IQSEC1: variants seen among roughly 807,000 people sequenced by gnomAD.
The protein encoded by IQSEC1 is IQ motif and SEC7 domain-containing protein 1.
A neutral mutation model predicts 91.0 loss-of-function variants in IQSEC1; 31 were observed. That is an observed-to-expected ratio of 0.34 (90% CI 0.26 to 0.46). IQSEC1 has a LOEUF of 0.46. Ranked by LOEUF, IQSEC1 falls within the 20% of genes least tolerant of loss-of-function variation. The pLI is 1.00. For synonymous variants in IQSEC1, 699 were observed against 662.6 expected, an observed-to-expected ratio of 1.05 and a Z score of -0.84; for missense variants, 1,388 against 1,575.6, an observed-to-expected ratio of 0.88 and a Z score of 2.02.
chr3:12,914,253 A>T (rs1261931226), intron 8 of IQSEC1, among the ~76,000 whole-genome samples: 1 of 152,240 alleles, frequency 6.6e-6, no homozygotes, highest in Non-Finnish European at 1.5e-5. Flanking sequence ...TCATAGCTCC[A>T]GCTGCCCTTG....
At chr3:13,066,755 A>G (rs360870) in intron 1 of IQSEC1, among the ~76,000 whole-genome samples, 92,538 of 152,170 alleles carry the variant, frequency 0.61, 29,190 homozygotes, top group East Asian at 0.86. Context: ...AGGTGCCACC[A>G]GGTCTTATTT....
chr3:13,144,807 GA>G lies in IQSEC1; in HGVS notation c.302+19296del, dbSNP rs1212599820. Among the ~76,000 whole-genome samples the G allele has an allele frequency of 2.6e-5, 4 of 151,494 alleles. No individual in the cohort carries two copies. In the South Asian group the frequency reaches 9.7e-4, roughly 37 times the overall value. On this transcript the variant is annotated intron_variant, in intron 2 of 15. Transcript: ENST00000648114. ...ATAGCCCAGGAGCTCTGCTGAGAAG[GA>G]ACACAGGCTTCCCACAGAAGAGGCT...
intron 1 of IQSEC1, chr3:13,047,649 TG>T (rs1704550358): frequency 4.2e-6 from 1 of 239,344 alleles, no homozygotes. Context: ...TGAGCAGCCC[TG>T]GGAAGAGCGT....
intron 1 of IQSEC1, among the ~76,000 whole-genome samples, chr3:12,950,359 G>A (rs571163265): frequency 6.6e-6 from 1 of 152,186 alleles, no homozygotes; most frequent in Non-Finnish European, 1.5e-5. Flanking sequence ...AAGGAAAACC[G>A]AATGTGCAAA....
upstream of IQSEC1, among the ~76,000 whole-genome samples, chr3:13,074,216 C>G (rs543162697): frequency 3.9e-5 from 6 of 152,084 alleles, no homozygotes; most frequent in Non-Finnish European, 4.4e-5. Flanking sequence ...ACGGGGTGGT[C>G]GGGAAGGCCC....
chr3:13,075,254 T>C (rs55972064), upstream of IQSEC1, among the ~76,000 whole-genome samples: 20,517 of 152,204 alleles, frequency 0.13, 1,572 homozygotes, highest in East Asian at 0.28. Flanking sequence ...AGTTGTTTCA[T>C]GGTCTCAGTG....
chr3:12,904,400 T>C (rs2596904), intron 12 of IQSEC1, among the ~76,000 whole-genome samples: 115,981 of 152,204 alleles, frequency 0.76, 44,564 homozygotes, highest in Non-Finnish European at 0.8. Context: ...TCAACACCAG[T>C]TGCTGAAGAC....
intron 1 of IQSEC1, among the ~76,000 whole-genome samples, chr3:13,263,588 A>G (rs1285200901): frequency 6.6e-6 from 1 of 152,040 alleles, no homozygotes; most frequent in African/African-American, 2.4e-5. Context: ...GATTGCAGGC[A>G]CGCGCCACCA....
chr3:12,915,917 C>A (rs548142241), intron 6 of IQSEC1, among the ~76,000 whole-genome samples, 184 bp from the exon 7 acceptor site: 1 of 152,202 alleles, frequency 6.6e-6, no homozygotes, highest in African/African-American at 2.4e-5. Flanking sequence ...CCTACCAGAA[C>A]GGGCCCAATA....
chr3:13,175,998 A>G (rs1693721184), intron 1 of IQSEC1, among the ~76,000 whole-genome samples: 1 of 152,238 alleles, frequency 6.6e-6, no homozygotes, highest in African/African-American at 2.4e-5. Flanking sequence ...GATGAGCAGA[A>G]GGGGGCAGAC....
intron 1 of IQSEC1, among the ~76,000 whole-genome samples, chr3:13,237,776 C>T (rs915903775): frequency 6.6e-6 from 1 of 152,210 alleles, no homozygotes; most frequent in Non-Finnish European, 1.5e-5. Context: ...GAAATGACAT[C>T]GAAGGTGATA....
chr3:13,248,979 G>A (rs373758869), intron 1 of IQSEC1, among the ~76,000 whole-genome samples: 15 of 152,160 alleles, frequency 9.9e-5, no homozygotes, highest in African/African-American at 3.4e-4. Context: ...AGACACTCTC[G>A]CCCCAGTCCG....
At chr3:13,042,763 TC>T (rs1704331109) in intron 1 of IQSEC1, among the ~76,000 whole-genome samples, 1 of 152,030 alleles carries the variant, frequency 6.6e-6, no homozygotes, top group South Asian at 2.1e-4. Flanking sequence ...AGTCTGTTCT[TC>T]CAACCAGGCC....
intron 1 of IQSEC1, among the ~76,000 whole-genome samples, chr3:13,029,604 C>G (rs965312315): frequency 6.6e-6 from 1 of 152,260 alleles, no homozygotes; most frequent in Admixed American, 6.5e-5. Context: ...AATTCTTTAG[C>G]CCCTGTATCC....
At chr3:13,250,590 C>T (rs1412808394) in intron 1 of IQSEC1, among the ~76,000 whole-genome samples, 1 of 150,068 alleles carries the variant, frequency 6.7e-6, no homozygotes, top group Non-Finnish European at 1.5e-5. Context: ...CCCGCCTCCA[C>T]CTCACCCAGA....
intron 1 of IQSEC1, among the ~76,000 whole-genome samples, chr3:13,212,747 A>T (rs1694469580): frequency 6.6e-6 from 1 of 152,032 alleles, no homozygotes; most frequent in African/African-American, 2.4e-5. Flanking sequence ...TGTGGTTTTG[A>T]TTTGCCTTTC....
Position 13,252,265 on chromosome 3 carries a change from C to T in IQSEC1, c.272+30446G>A, listed in dbSNP as rs192053080. Among the ~76,000 whole-genome samples the T allele has an allele frequency of 8.2e-4, 125 of 152,286 alleles. 1 individual carries two copies. Among genetic ancestry groups the T allele is most frequent in the Non-Finnish European group, 1.0e-3 (69 of 68,028 alleles). On this transcript the variant is annotated intron_variant, in intron 1 of 15. Transcript: ENST00000648114. ...TCTGTCTCTACAAATGTGACTACTCCAGGACACTCTTTATAAGGGGATCGT... is the reference window on the plus strand; with the variant it reads ...TCTGTCTCTACAAATGTGACTACTCTAGGACACTCTTTATAAGGGGATCGT...
At chr3:13,056,143 G>T (rs866703309) in intron 1 of IQSEC1, among the ~76,000 whole-genome samples, 1 of 152,208 alleles carries the variant, frequency 6.6e-6, no homozygotes, top group South Asian at 2.1e-4. Context: ...GACCAAGCCT[G>T]TGTGTCGGTG....
In IQSEC1 at chr3:12,898,525, G is replaced by A. The variant is rs1190087518; in HGVS notation, c.*2458C>T. The stretch of plus-strand genomic sequence containing the variant: ...CCCGAGGCTGTGGAGCTTGCAGGAT[G>A]GCGATGGAGAGGGAGAGTTTCCTGA... On this transcript the variant is annotated 3_prime_UTR_variant, in exon 14 of 14. Coordinates refer to ENST00000613206, the MANE Select transcript of IQSEC1 (RefSeq NM_001134382.3). 1 of 152,200 alleles carries A rather than the reference G, an allele frequency of 6.6e-6. No individual in the cohort carries two copies. Among genetic ancestry groups the A allele is most frequent in the Non-Finnish European group, 1.5e-5 (1 of 68,058 alleles). The allele number at this position is 152,200 out of a possible 1,614,324, so 9.4% of individuals were successfully genotyped here. A position where few individuals can be genotyped will look rare whatever the true frequency, so the allele number is the denominator to read the frequency against.
Sources: gnomAD v4.1 joint callset for allele counts (sites outside exome capture counted in the v4.1 genomes callset) on GRCh38, gnomAD v4.1.1 for gene constraint, MANE v1.5 for transcripts, NCBI Gene and HGNC (gene_info 2026-07-23, HGNC 2026-07-21) for gene names.